Variants in NR5A1 observed in about 807,000 individuals in gnomAD.
NR5A1 encodes nuclear receptor subfamily 5 group A member 1.
In NR5A1, 6 loss-of-function variants were observed where a neutral mutation model predicts 42.7. The observed-to-expected ratio is 0.14, with a 90% confidence interval of 0.08 to 0.28. The LOEUF (loss-of-function observed/expected upper bound fraction) is 0.28. NR5A1 is among the 10% of genes least tolerant of loss of function. The pLI is 1.00. For missense variants in NR5A1, 442 were observed against 626.4 expected (o/e 0.71, Z 3.14); for synonymous variants, 274 against 277.5 (o/e 0.99, Z 0.12).
chr9:124,484,938 C>T (rs544755290), intron 6 of NR5A1, among the ~76,000 whole-genome samples: 7 of 152,154 alleles, frequency 4.6e-5, no homozygotes, highest in Non-Finnish European at 7.4e-5. Flanking sequence ...CTGATGTGTC[C>T]GCCACACCCG....
At chr9:124,490,921 A>G (rs1408219525) in intron 6 of NR5A1, among the ~76,000 whole-genome samples, 160 bp downstream of exon 6, 1 of 152,186 alleles carries the variant, frequency 6.6e-6, no homozygotes, top group Non-Finnish European at 1.5e-5. Flanking sequence ...GGGGGCCCTC[A>G]GACCTTTGTT....
chr9:124,502,171 G>C (rs987889681), intron 3 of NR5A1, among the ~76,000 whole-genome samples: 1 of 152,156 alleles, frequency 6.6e-6, no homozygotes, highest in Admixed American at 6.5e-5. Context: ...AATGGAAAGC[G>C]TGATGGGCTT....
intron 1 of NR5A1, among the ~76,000 whole-genome samples, chr9:124,506,440 A>T (rs1346974609): frequency 6.6e-6 from 1 of 152,112 alleles, no homozygotes; most frequent in African/African-American, 2.4e-5. Context: ...GCCTCTGAAC[A>T]GCTCCCCACC....
chr9:124,484,396 CAA>C (rs1832177105), intron 6 of NR5A1, among the ~76,000 whole-genome samples: 1 of 152,232 alleles, frequency 6.6e-6, no homozygotes. Flanking sequence ...GAGCGGAAAA[CAA>C]AAATCACAGA....
chr9:124,505,621 G>A (rs753705995), intron 1 of NR5A1, among the ~76,000 whole-genome samples: 6 of 152,178 alleles, frequency 3.9e-5, no homozygotes, highest in Non-Finnish European at 5.9e-5. Context: ...CCTTCTGCTC[G>A]CTAGCCTCAG....
chr9:124,495,666 A>G (rs769886762), intron 4 of NR5A1, among the ~76,000 whole-genome samples: 1 of 152,196 alleles, frequency 6.6e-6, no homozygotes, highest in Non-Finnish European at 1.5e-5. Flanking sequence ...TTGCGCCCAG[A>G]ACGAAGACAC....
chr9:124,503,425 C>A lies in NR5A1; in HGVS notation c.-15-15G>T. The A allele has an allele frequency of 6.3e-7, 1 of 1,584,506 alleles. No homozygotes were observed. Among genetic ancestry groups the A allele is most frequent in the Non-Finnish European group, 8.6e-7 (1 of 1,166,142 alleles). The stretch of plus-strand genomic sequence containing the variant: ...GCGGCGTCCGCCTGCGGAGGGACAG[C>A]GGGTCAGGGAGGGCCGGCGGAGACC... On this transcript the variant is annotated splice_polypyrimidine_tract_variant and intron_variant, in intron 1 of 6. Coordinates refer to ENST00000373588, the MANE Select transcript of NR5A1 (RefSeq NM_004959.5). This position sits in a 1 kb window ranked among gnomAD's most constrained non-coding sequence, Gnocchi z 9.6.
At chr9:124,502,432 T>C (rs1290456794) in intron 3 of NR5A1, among the ~76,000 whole-genome samples, 1 of 152,094 alleles carries the variant, frequency 6.6e-6, no homozygotes, top group Non-Finnish European at 1.5e-5. Context: ...CAGGCTCAAG[T>C]GATCCCCCCA....
rs1832396819 is a variant in NR5A1 at position 124,496,830 on chromosome 9, C to T, written c.870+3260G>A. Among the ~76,000 whole-genome samples the T allele has an allele frequency of 1.3e-5, 2 of 152,140 alleles. No homozygotes were observed. Among genetic ancestry groups the T allele is most frequent in the South Asian group, 4.1e-4 (2 of 4,824 alleles). Reference sequence around the variant, plus strand: ...AAATGGGTCACTGGGCACTCCTGGCCCCCACCGTCCCCCCGGGTCCTCCCT... The same window carrying T: ...AAATGGGTCACTGGGCACTCCTGGCTCCCACCGTCCCCCCGGGTCCTCCCT... On this transcript the variant is annotated intron_variant, in intron 4 of 6. Coordinates refer to ENST00000373588, the MANE Select transcript of NR5A1 (RefSeq NM_004959.5). The surrounding 1 kb of genome is among the most constrained non-coding windows in gnomAD (Gnocchi z 5.0).
intron 6 of NR5A1, among the ~76,000 whole-genome samples, chr9:124,490,124 T>A (rs1031153843): frequency 3.3e-5 from 5 of 151,994 alleles, no homozygotes; most frequent in African/African-American, 1.2e-4. Flanking sequence ...CCCACCTGCA[T>A]CACTGCAAAA....
At chr9:124,483,589 T>C (rs1199893069) in intron 6 of NR5A1, among the ~76,000 whole-genome samples, 1 of 152,206 alleles carries the variant, frequency 6.6e-6, no homozygotes. Flanking sequence ...ACCGCCGTCA[T>C]GGCCAACCAT....
rs543952900 is a variant in NR5A1, at chr9:124,499,906, C to T, written c.870+184G>A. ...GGAGGAGAGAAGGAGAGGGAGGGAG[C>T]GGGGACCCAGGAGGCTGTGATAAGT... is the stretch of plus-strand genomic sequence containing the variant. On this transcript the variant is annotated intron_variant, in intron 4 of 6. Transcript: ENST00000373588. Among the ~76,000 whole-genome samples, 553 of 152,216 alleles carry T rather than the reference C, an allele frequency of 3.6e-3. 4 individuals are homozygous for T. Among genetic ancestry groups the T allele is most frequent in the African/African-American group, 0.013 (529 of 41,532 alleles).
At chr9:124,488,913 G>A (rs1003017538) in intron 6 of NR5A1, among the ~76,000 whole-genome samples, 1 of 152,228 alleles carries the variant, frequency 6.6e-6, no homozygotes, top group Non-Finnish European at 1.5e-5. Context: ...GCCTGTTCCA[G>A]CCCAGCACTG....
Position 124,491,085 on chromosome 9 carries a change from G to A in NR5A1, c.1134C>T (p.Ser378=), listed in dbSNP as rs746086605. Residue 378 remains serine, a synonymous_variant, in exon 6 of 7, where the codon AGC becomes AGT. Coordinates refer to ENST00000373588, the MANE Select transcript of NR5A1 (RefSeq NM_004959.5). The part of the protein sequence containing the change: ...FVCLKFIILF[S]LDLKFLNNHI... ...TGTCACTGGAGCTGCACTCACCCAG[G>A]CTGAAGAGGATGATGAACTTGAGGC... 5 of 1,349,706 alleles carry A rather than the reference G, an allele frequency of 3.7e-6. No individual in the cohort carries two copies. Among genetic ancestry groups the A allele is most frequent in the African/African-American group, 1.5e-5 (1 of 65,568 alleles). The allele number at this position is 1,349,706 out of a possible 1,614,324, so 83.6% of individuals were successfully genotyped here. A position where few individuals can be genotyped will look rare whatever the true frequency, so the allele number is the denominator to read the frequency against.
At chr9:124,483,149 G>GTTGA in intron 6 of NR5A1, 144 bp from the exon 7 acceptor site, 1 of 1,576,532 alleles carries the variant, frequency 6.3e-7, no homozygotes, top group Non-Finnish European at 8.6e-7. Context: ...ATGCAACATG[G>GTTGA]TCTCCCCGTT....
chr9:124,487,367 G>A (rs768453206), intron 6 of NR5A1, among the ~76,000 whole-genome samples: 19 of 152,260 alleles, frequency 1.2e-4, no homozygotes, highest in Non-Finnish European at 2.6e-4. Flanking sequence ...AATTGCAAAC[G>A]CTTAAGGGAA....
At chr9:124,486,557 G>T (rs1235581995) in intron 6 of NR5A1, among the ~76,000 whole-genome samples, 2 of 152,060 alleles carry the variant, frequency 1.3e-5, no homozygotes, top group Non-Finnish European at 2.9e-5. Context: ...ATAACTTTAT[G>T]TCCCATGCCA....
At chr9:124,491,531 A>G (rs1300213088) in intron 5 of NR5A1, among the ~76,000 whole-genome samples, 2 of 152,052 alleles carry the variant, frequency 1.3e-5, no homozygotes, top group East Asian at 3.9e-4. Flanking sequence ...GCCCAGCAGC[A>G]CCAGCAGCTC....
At chr9:124,506,593 C>G (rs569857320) in intron 1 of NR5A1, among the ~76,000 whole-genome samples, 3 of 152,180 alleles carry the variant, frequency 2.0e-5, no homozygotes, top group East Asian at 3.9e-4. Flanking sequence ...CCCCAGCCGC[C>G]GGGGTTGGGT....
Sources: gnomAD v4.1 joint callset for allele counts (sites outside exome capture counted in the v4.1 genomes callset) on GRCh38, gnomAD v4.1.1 for gene constraint, Gnocchi (gnomAD v3.1) non-coding constraint, MANE v1.5 for transcripts, NCBI Gene and HGNC (gene_info 2026-07-23, HGNC 2026-07-21) for gene names.